CNTN6: variants seen among roughly 807,000 people sequenced by gnomAD.
CNTN6 encodes contactin-6.
Under a neutral mutation model 122.8 loss-of-function variants are expected in CNTN6, and 137 were observed. The ratio of observed to expected loss-of-function variants is 1.12; its 90% CI spans 0.97 to 1.29. The LOEUF is 1.29. CNTN6 is among the 50% of genes most tolerant of loss of function. The probability of loss-of-function intolerance (pLI) is 0.00; values close to 1 mark genes in which losing one functional copy is unlikely to be tolerated. For synonymous variants in CNTN6, 570 were observed against 426.0 expected (o/e 1.34, Z -4.16); for missense variants, 1,634 against 1,223.4 (o/e 1.34, Z -5.01).
chr3:1,268,486 A>G (rs1453253747), intron 4 of CNTN6, among the ~76,000 whole-genome samples: 3 of 151,318 alleles, frequency 2.0e-5, no homozygotes, highest in Admixed American at 6.6e-5. Context: ...AGGTGCCTGT[A>G]GTCCCAGCTA....
At chr3:1,131,571 C>A (rs1574961165) in intron 1 of CNTN6, among the ~76,000 whole-genome samples, 1 of 152,070 alleles carries the variant, frequency 6.6e-6, no homozygotes, top group African/African-American at 2.4e-5. Flanking sequence ...AGTTAACATG[C>A]AGGAATGAAT....
intron 4 of CNTN6, among the ~76,000 whole-genome samples, chr3:1,232,551 G>T (rs185869252): frequency 2.6e-5 from 4 of 152,210 alleles, no homozygotes; most frequent in Non-Finnish European, 5.9e-5. Context: ...TAGCTCCATT[G>T]ATCCTCACAA....
At chr3:1,183,446 AT>A (rs34388948) in intron 2 of CNTN6, among the ~76,000 whole-genome samples, 101 of 148,240 alleles carry the variant, frequency 6.8e-4, no homozygotes, top group Middle Eastern at 3.4e-3. Flanking sequence ...CCATGACCAT[AT>A]TTTTTTTTTT....
At chr3:1,142,614 G>T (rs2092633152) in intron 1 of CNTN6, among the ~76,000 whole-genome samples, 1 of 152,038 alleles carries the variant, frequency 6.6e-6, no homozygotes. Context: ...GCCAGAAAGG[G>T]TCAGATAATA....
chr3:1,301,307 T>A (rs888392115), intron 7 of CNTN6, among the ~76,000 whole-genome samples: 1 of 152,112 alleles, frequency 6.6e-6, no homozygotes, highest in African/African-American at 2.4e-5. Context: ...AGTGCTGGTA[T>A]TACAAGCGTG....
intron 1 of CNTN6, among the ~76,000 whole-genome samples, chr3:1,143,658 G>C (rs1326652824): frequency 6.6e-6 from 1 of 152,080 alleles, no homozygotes; most frequent in African/African-American, 2.4e-5. Flanking sequence ...CCTTCCTCAG[G>C]CAATTTAAAC....
intron 16 of CNTN6, 67 bp downstream of exon 16, chr3:1,374,140 G>C: frequency 7.4e-7 from 1 of 1,356,532 alleles, no homozygotes; most frequent in South Asian, 1.4e-5. Context: ...AACAAAACAA[G>C]TATTTTTATG....
intron 20 of CNTN6, among the ~76,000 whole-genome samples, chr3:1,392,793 A>G (rs1456185400): frequency 2.9e-5 from 4 of 138,872 alleles, no homozygotes; most frequent in African/African-American, 1.1e-4. Flanking sequence ...GCAGCCAAAA[A>G]ACACATGAAA....
At chr3:1,374,236 G>A (rs967118184) in intron 16 of CNTN6, among the ~76,000 whole-genome samples, 163 bp downstream of exon 16, 2 of 151,992 alleles carry the variant, frequency 1.3e-5, no homozygotes, top group Admixed American at 6.6e-5. Context: ...ACAAGGCAAG[G>A]TGTATTTTCT....
intron 5 of CNTN6, among the ~76,000 whole-genome samples, chr3:1,294,903 G>A (rs1302112083): frequency 6.6e-6 from 1 of 152,086 alleles, no homozygotes; most frequent in Non-Finnish European, 1.5e-5. Flanking sequence ...TAGGGCACAG[G>A]TTTTGTTTGG....
chr3:1,283,607 G>GATACATGTT (rs1163837817), intron 5 of CNTN6, among the ~76,000 whole-genome samples: 2 of 152,104 alleles, frequency 1.3e-5, no homozygotes, highest in African/African-American at 4.8e-5. Context: ...ATGAAGCAAC[G>GATACATGTT]ATACATGTTA....
intron 4 of CNTN6, among the ~76,000 whole-genome samples, chr3:1,246,829 C>T (rs891442572): frequency 2.0e-5 from 3 of 152,088 alleles, no homozygotes; most frequent in African/African-American, 7.2e-5. Context: ...CTCCCTCCCT[C>T]CCCTTGGTTT....
chr3:1,215,831 G>A (rs1479503252), intron 2 of CNTN6, among the ~76,000 whole-genome samples: 1 of 150,864 alleles, frequency 6.6e-6, no homozygotes, highest in African/African-American at 2.4e-5. Context: ...ATTATATCTG[G>A]GAACAATTTT....
At chr3:1,322,145 G>A (rs1434837534) in intron 8 of CNTN6, among the ~76,000 whole-genome samples, 8 of 151,514 alleles carry the variant, frequency 5.3e-5, no homozygotes, top group African/African-American at 1.2e-4. Context: ...CCCATTAAAC[G>A]TTCTGCAGCA....
chr3:1,169,066 T>C (rs574059563), intron 2 of CNTN6, among the ~76,000 whole-genome samples: 1 of 151,734 alleles, frequency 6.6e-6, no homozygotes, highest in Non-Finnish European at 1.5e-5. Context: ...ATGCAGTGAG[T>C]GGCAGAGGAA....
intron 2 of CNTN6, among the ~76,000 whole-genome samples, chr3:1,176,391 C>A (rs2093448965): frequency 6.6e-6 from 1 of 152,156 alleles, no homozygotes; most frequent in Non-Finnish European, 1.5e-5. Flanking sequence ...ACCTGGGCAA[C>A]AAGAGTGAAA....
chr3:1,288,462 C>T (rs1380003428), intron 5 of CNTN6, among the ~76,000 whole-genome samples: 1 of 152,148 alleles, frequency 6.6e-6, no homozygotes, highest in Non-Finnish European at 1.5e-5. Context: ...CCATGATTGA[C>T]CACCCAAGAG....
At chr3:1,324,314 A>G (rs1160599209) in intron 8 of CNTN6, among the ~76,000 whole-genome samples, 1 of 149,536 alleles carries the variant, frequency 6.7e-6, no homozygotes, top group East Asian at 2.0e-4. Flanking sequence ...GAAGTCAGAC[A>G]GACTTGCGTT....
chr3:1,235,916 G>A (rs1193680579), intron 4 of CNTN6, among the ~76,000 whole-genome samples: 1 of 152,012 alleles, frequency 6.6e-6, no homozygotes, highest in African/African-American at 2.4e-5. Flanking sequence ...ACGCTGTGTG[G>A]GGGTGGGGTG....
Sources: gnomAD v4.1 joint callset for allele counts (sites outside exome capture counted in the v4.1 genomes callset) on GRCh38, gnomAD v4.1.1 for gene constraint, MANE v1.5 for transcripts, NCBI Gene and HGNC (gene_info 2026-07-23, HGNC 2026-07-21) for gene names.